Variants in PRKAG2 observed in about 807,000 individuals in gnomAD.
The protein encoded by PRKAG2 is 5'-AMP-activated protein kinase subunit gamma-2.
PRKAG2 carries 26 observed loss-of-function variants against 69.6 expected under a neutral mutation model. That is an observed-to-expected ratio of 0.37 (90% CI 0.27 to 0.52). The LOEUF (loss-of-function observed/expected upper bound fraction) is 0.52. Among genes scored for constraint, PRKAG2 ranks in the 20% least tolerant of loss-of-function variants. The probability of loss-of-function intolerance (pLI) is 0.90; values close to 1 mark genes in which losing one functional copy is unlikely to be tolerated. For missense variants in PRKAG2, 557 were observed against 740.0 expected (o/e 0.75, Z 2.87); for synonymous variants, 293 against 285.0 (o/e 1.03, Z -0.28).
At chr7:151,769,810 T>C (rs951345738) in intron 3 of PRKAG2, among the ~76,000 whole-genome samples, 1 of 152,142 alleles carries the variant, frequency 6.6e-6, no homozygotes, top group Non-Finnish European at 1.5e-5. Context: ...TGGGCTGACA[T>C]GGCCGAGGGT....
intron 3 of PRKAG2, among the ~76,000 whole-genome samples, chr7:151,765,199 C>T (rs1042999843): frequency 6.6e-6 from 1 of 152,158 alleles, no homozygotes; most frequent in African/African-American, 2.4e-5. Flanking sequence ...GTAGGCTCTA[C>T]AGGAAGCATG....
intron 3 of PRKAG2, among the ~76,000 whole-genome samples, chr7:151,747,322 C>T (rs1369600888): frequency 3.3e-5 from 5 of 152,140 alleles, no homozygotes; most frequent in East Asian, 3.9e-4. Flanking sequence ...TTTGGGAGGC[C>T]GAGGTGGGTG....
intron 3 of PRKAG2, among the ~76,000 whole-genome samples, chr7:151,716,138 A>G (rs898562682): frequency 4.6e-5 from 7 of 152,228 alleles, no homozygotes; most frequent in East Asian, 3.9e-4. Flanking sequence ...TGCCTAATAC[A>G]AGTTTAAGAA....
At position 151,814,696 on chromosome 7, in the gene PRKAG2, C is replaced by T. The variant is rs2078588255; in HGVS notation, c.115-28155G>A. 1 of 1,231,784 alleles carries T rather than the reference C, an allele frequency of 8.1e-7. No individual in the cohort carries two copies. Among genetic ancestry groups the T allele is most frequent in the Non-Finnish European group, 1.0e-6 (1 of 987,994 alleles). The allele number at this position is 1,231,784 out of a possible 1,614,324, so 76.3% of individuals were successfully genotyped here. ...TGTGTTCCCAGTCCCCAAGGCAGCGCAACAAGCGGCTGGCAGACAGCATGG... is the reference window on the plus strand; with the variant it reads ...TGTGTTCCCAGTCCCCAAGGCAGCGTAACAAGCGGCTGGCAGACAGCATGG... On this transcript the variant is annotated intron_variant, in intron 1 of 15. Transcript: ENST00000287878. The surrounding 1 kb of genome is among the most constrained non-coding windows in gnomAD (Gnocchi z 4.8).
chr7:151,640,648 C>T (rs1826515400), intron 4 of PRKAG2, among the ~76,000 whole-genome samples: 1 of 150,828 alleles, frequency 6.6e-6, no homozygotes, highest in African/African-American at 2.5e-5. Context: ...TCTGCTTTTC[C>T]TCCTTCCCCC....
At chr7:151,560,992 C>T (rs938269478) in intron 14 of PRKAG2, among the ~76,000 whole-genome samples, 5 of 152,154 alleles carry the variant, frequency 3.3e-5, no homozygotes, top group East Asian at 1.9e-4. Context: ...CAGACCCATA[C>T]GATGACCTTA....
chr7:151,674,974 T>G (rs1585675775), intron 4 of PRKAG2: 2 of 262,554 alleles, frequency 7.6e-6, no homozygotes, highest in South Asian at 8.7e-5. Flanking sequence ...GGGGCTGGAG[T>G]GCGGTGTCAT....
At chr7:151,704,838 G>C (rs1286193564) in intron 3 of PRKAG2, among the ~76,000 whole-genome samples, 1 of 152,200 alleles carries the variant, frequency 6.6e-6, no homozygotes. Flanking sequence ...GAGGCACAGG[G>C]AGAGCGAGGC....
intron 4 of PRKAG2, among the ~76,000 whole-genome samples, chr7:151,648,636 T>A (rs138693765): frequency 3.9e-4 from 59 of 152,332 alleles, no homozygotes; most frequent in African/African-American, 1.4e-3. Context: ...TCTAAACCAG[T>A]GTTTTTAAAA....
At chr7:151,592,923 A>G (rs114659616) in intron 6 of PRKAG2, among the ~76,000 whole-genome samples, 2,229 of 152,250 alleles carry the variant, frequency 0.015, 61 homozygotes, top group African/African-American at 0.051. Flanking sequence ...ACCAATGCCA[A>G]ACAACTCTCT....
intron 4 of PRKAG2, among the ~76,000 whole-genome samples, chr7:151,659,236 T>TA (rs564942711): frequency 6.6e-6 from 1 of 152,140 alleles, no homozygotes; most frequent in African/African-American, 2.4e-5. Context: ...TGCATAGACT[T>TA]AAAAAAAATT....
At chr7:151,798,736 C>T (rs569177933) in intron 1 of PRKAG2, among the ~76,000 whole-genome samples, 66 of 152,286 alleles carry the variant, frequency 4.3e-4, no homozygotes, top group Non-Finnish European at 7.5e-4. Flanking sequence ...CTTCTGTCCC[C>T]GAGGTGTCAC....
chr7:151,601,852 T>C (rs1398027540), intron 5 of PRKAG2, among the ~76,000 whole-genome samples: 2 of 152,074 alleles, frequency 1.3e-5, no homozygotes, highest in African/African-American at 4.8e-5. Flanking sequence ...TGCAAACCAA[T>C]GGAGGGGACA....
rs983213646 is a variant in PRKAG2 at position 151,814,835 on chromosome 7, A to T, written c.115-28294T>A. 2 of 1,231,688 alleles carry T rather than the reference A, an allele frequency of 1.6e-6. No homozygotes were observed. The highest frequency in any genetic ancestry group is 8.2e-5 in the South Asian group (2 of 24,330). The allele number at this position is 1,231,688 out of a possible 1,614,324, so 76.3% of individuals were successfully genotyped here. On this transcript the variant is annotated intron_variant, in intron 1 of 15. Coordinates refer to ENST00000287878, the MANE Select transcript of PRKAG2 (RefSeq NM_016203.4). The surrounding 1 kb of genome is among the most constrained non-coding windows in gnomAD (Gnocchi z 4.8). ...ATTGACGGGACTGCAGCAAACTGTC[A>T]TTCCCACCTGTGTCAGGCGCTGCTG...
intron 1 of PRKAG2, among the ~76,000 whole-genome samples, chr7:151,811,664 T>C (rs2078426948): frequency 6.6e-6 from 1 of 152,172 alleles, no homozygotes; most frequent in Non-Finnish European, 1.5e-5. Flanking sequence ...GACAGGTCAG[T>C]GCACTGTCCC....
At chr7:151,870,157 G>A (rs56921306) in intron 1 of PRKAG2, among the ~76,000 whole-genome samples, 26,836 of 109,554 alleles carry the variant, frequency 0.24, 2,857 homozygotes, top group Middle Eastern at 0.27. Flanking sequence ...AGATAGATAG[G>A]CAGGCAGGCA....
chr7:151,720,955 G>A (rs1796989668), intron 3 of PRKAG2, among the ~76,000 whole-genome samples: 1 of 147,878 alleles, frequency 6.8e-6, no homozygotes, highest in East Asian at 2.0e-4. Context: ...GGTAATAAGG[G>A]CAGAAGGAAC....
intron 4 of PRKAG2, among the ~76,000 whole-genome samples, chr7:151,635,715 A>G (rs1009051596): frequency 6.6e-6 from 1 of 152,212 alleles, no homozygotes; most frequent in African/African-American, 2.4e-5. Flanking sequence ...GCCTATGGCT[A>G]TAAGAGGATA....
intron 4 of PRKAG2, among the ~76,000 whole-genome samples, chr7:151,657,264 A>G (rs1316842197): frequency 1.3e-5 from 2 of 152,206 alleles, no homozygotes; most frequent in African/African-American, 2.4e-5. Context: ...AACATCGCCT[A>G]TGGAAGAAGA....
Sources: gnomAD v4.1 joint callset for allele counts (sites outside exome capture counted in the v4.1 genomes callset) on GRCh38, gnomAD v4.1.1 for gene constraint, Gnocchi (gnomAD v3.1) non-coding constraint, MANE v1.5 for transcripts, NCBI Gene and HGNC (gene_info 2026-07-23, HGNC 2026-07-21) for gene names.